The following KIAA0319 variants were observed in gnomAD, a reference collection of about 807,000 sequenced individuals.
KIAA0319 encodes dyslexia-associated protein KIAA0319.
KIAA0319 carries 83 observed loss-of-function variants against 108.4 expected under a neutral mutation model. The ratio of observed to expected loss-of-function variants is 0.77; its 90% CI spans 0.64 to 0.92. The LOEUF is 0.92. KIAA0319 is among the 40% of genes least tolerant of loss of function. The probability of loss-of-function intolerance (pLI) is 0.00; values close to 1 mark genes in which losing one functional copy is unlikely to be tolerated. For missense variants in KIAA0319, 1,195 were observed against 1,322.4 expected, an observed-to-expected ratio of 0.90 and a Z score of 1.49; for synonymous variants, 484 against 510.4, an observed-to-expected ratio of 0.95 and a Z score of 0.70.
Position 24,559,024 on chromosome 6 carries a change from A to G in KIAA0319, c.2723T>C (p.Val908Ala). Residue 908 changes from valine (V) to alanine (A), a missense_variant, in exon 17 of 21, where the codon GTT becomes GCT. Coordinates refer to ENST00000378214, the MANE Select transcript of KIAA0319 (RefSeq NM_014809.4). ...ADFLLFKVLRVDTAGCLLKCS... is the reference protein window; with the variant it reads ...ADFLLFKVLRADTAGCLLKCS... ...CATAGGAGACCTACCTGCTGTATCA[A>G]CCCTCAAGACCTTGAAAAGCAAGAA... 1 of 1,611,438 alleles carries G rather than the reference A, an allele frequency of 6.2e-7. No homozygotes were observed. The highest frequency in any genetic ancestry group is 8.5e-7 in the Non-Finnish European group (1 of 1,179,068).
chr6:24,635,096 TTTTC>T (rs1347425229), intron 1 of KIAA0319, among the ~76,000 whole-genome samples: 56 of 152,116 alleles, frequency 3.7e-4, no homozygotes, highest in African/African-American at 1.2e-3. Flanking sequence ...AGGCAGTTTA[TTTTC>T]TTTCTTTCTT....
chr6:24,549,971 T>C (rs1393669761), intron 20 of KIAA0319, among the ~76,000 whole-genome samples: 2 of 151,980 alleles, frequency 1.3e-5, no homozygotes, highest in Non-Finnish European at 2.9e-5. Flanking sequence ...GAAGGATGAG[T>C]GTATTTTAAG....
intron 12 of KIAA0319, among the ~76,000 whole-genome samples, 161 bp from the exon 13 acceptor site, chr6:24,569,090 G>A (rs562977917): frequency 1.3e-5 from 2 of 152,332 alleles, no homozygotes; most frequent in Non-Finnish European, 2.9e-5. Context: ...CTAGTTCAGT[G>A]TAAGAGTCAC....
At chr6:24,621,920 A>G (rs1348552901) in intron 1 of KIAA0319, among the ~76,000 whole-genome samples, 1 of 152,230 alleles carries the variant, frequency 6.6e-6, no homozygotes, top group Admixed American at 6.5e-5. Context: ...ACCAAACGAA[A>G]AACAGATCTC....
intron 1 of KIAA0319, among the ~76,000 whole-genome samples, chr6:24,612,399 C>T (rs1488341794): frequency 6.7e-6 from 1 of 148,858 alleles, no homozygotes; most frequent in Non-Finnish European, 1.5e-5. Context: ...TGCAGTGTGC[C>T]CAGATTGTGC....
intron 1 of KIAA0319, among the ~76,000 whole-genome samples, chr6:24,610,519 T>C (rs1308620555): frequency 6.6e-6 from 1 of 152,238 alleles, no homozygotes; most frequent in Admixed American, 6.5e-5. Flanking sequence ...AATAATTTGG[T>C]AGCTCTTCAA....
chr6:24,584,365 A>G (rs188126978), intron 4 of KIAA0319, among the ~76,000 whole-genome samples: 1 of 151,114 alleles, frequency 6.6e-6, no homozygotes, highest in Admixed American at 6.6e-5. Flanking sequence ...GCTCCATTGG[A>G]CATTAGTTTC....
At chr6:24,596,646 G>C in intron 2 of KIAA0319, 28 bp from the exon 3 acceptor site, 1 of 1,562,974 alleles carries the variant, frequency 6.4e-7, no homozygotes, top group Non-Finnish European at 8.7e-7. Flanking sequence ...TCTAATGAGG[G>C]AGAGAGGCAT....
chr6:24,630,200 C>T (rs750636774), intron 1 of KIAA0319, among the ~76,000 whole-genome samples: 4 of 150,984 alleles, frequency 2.6e-5, no homozygotes, highest in Non-Finnish European at 3.0e-5. Context: ...ATAATAATAG[C>T]GTGACAAAAA....
At chr6:24,616,460 C>T (rs530090717) in intron 1 of KIAA0319, among the ~76,000 whole-genome samples, 4 of 152,290 alleles carry the variant, frequency 2.6e-5, no homozygotes, top group South Asian at 2.1e-4. Context: ...CGGGTTCAAG[C>T]GATTCTCCTG....
intron 1 of KIAA0319, among the ~76,000 whole-genome samples, chr6:24,614,848 T>C (rs1184094664): frequency 6.6e-6 from 1 of 152,070 alleles, no homozygotes; most frequent in Non-Finnish European, 1.5e-5. Flanking sequence ...GTCATTATCC[T>C]CTCTGCCAAG....
At chr6:24,580,779 T>A (rs1233117941) in intron 7 of KIAA0319, 147 bp downstream of exon 7, 1 of 622,124 alleles carries the variant, frequency 1.6e-6, no homozygotes, top group Non-Finnish European at 2.9e-6. Context: ...AAAAATATAA[T>A]CTTTGCGTGT....
intron 2 of KIAA0319, among the ~76,000 whole-genome samples, chr6:24,600,438 G>A (rs977003787): frequency 1.3e-5 from 2 of 152,126 alleles, no homozygotes; most frequent in African/African-American, 4.8e-5. Context: ...ATCTCCAGGT[G>A]CTGCTGAAAA....
At chr6:24,642,175 GGAAA>G (rs1215971396) in intron 1 of KIAA0319, among the ~76,000 whole-genome samples, 3 of 56,092 alleles carry the variant, frequency 5.3e-5, no homozygotes, top group African/African-American at 8.9e-5. Context: ...GGGAAGTAAG[GGAAA>G]GAAAGAAAGA....
At chr6:24,589,168 G>T (rs1202112279) in intron 3 of KIAA0319, among the ~76,000 whole-genome samples, 2 of 152,164 alleles carry the variant, frequency 1.3e-5, no homozygotes, top group Admixed American at 1.3e-4. Flanking sequence ...TGGAGGTAGG[G>T]CCTTTGGGAA....
At position 24,605,693 on chromosome 6, in the gene KIAA0319, T is replaced by C. The variant is rs372404770; in HGVS notation, c.-105-4485A>G. On this transcript the variant is annotated intron_variant, in intron 1 of 20. Coordinates refer to ENST00000378214, the MANE Select transcript of KIAA0319 (RefSeq NM_014809.4). ...TCTGCATGGATCAATTGTATACATGTAAAGATCTGAAAGGAAATGTCCCCC... is the reference window on the plus strand; with the variant it reads ...TCTGCATGGATCAATTGTATACATGCAAAGATCTGAAAGGAAATGTCCCCC... Among the ~76,000 whole-genome samples the C allele has an allele frequency of 9.2e-5, 14 of 152,308 alleles. 1 individual carries two copies. In the South Asian group the frequency reaches 2.7e-3, roughly 29 times the overall value.
intron 2 of KIAA0319, 124 bp from the exon 3 acceptor site, chr6:24,596,742 C>T: frequency 1.3e-6 from 1 of 793,962 alleles, no homozygotes; most frequent in Non-Finnish European, 2.0e-6. Flanking sequence ...AATAAACAAT[C>T]AGCATTTCAC....
intron 10 of KIAA0319, among the ~76,000 whole-genome samples, chr6:24,574,907 T>C (rs1007156435): frequency 1.3e-5 from 2 of 152,248 alleles, no homozygotes; most frequent in African/African-American, 4.8e-5. Context: ...CAAATTGATC[T>C]GGTACGAGAA....
chr6:24,540,433 T>C (rs1760160248), downstream of KIAA0319, among the ~76,000 whole-genome samples: 1 of 152,274 alleles, frequency 6.6e-6, no homozygotes, highest in Admixed American at 6.5e-5. Flanking sequence ...TGACAGAAAT[T>C]TCACTATGCC....
Sources: gnomAD v4.1 joint callset for allele counts (sites outside exome capture counted in the v4.1 genomes callset) on GRCh38, gnomAD v4.1.1 for gene constraint, MANE v1.5 for transcripts, NCBI Gene and HGNC (gene_info 2026-07-23, HGNC 2026-07-21) for gene names.